CNTNAP2: variants seen among roughly 807,000 people sequenced by gnomAD.
The protein encoded by CNTNAP2 is contactin associated protein 2, also known as contactin-associated protein-like 2.
CNTNAP2 carries 98 observed loss-of-function variants against 155.2 expected under a neutral mutation model. The observed-to-expected ratio is 0.63, with a 90% CI of 0.54 to 0.75. The LOEUF (loss-of-function observed/expected upper bound fraction) is 0.75. CNTNAP2 is among the 30% of genes least tolerant of loss of function. The pLI, the probability that CNTNAP2 is intolerant of heterozygous loss-of-function variation, is 0.00. For synonymous variants in CNTNAP2, 651 were observed against 631.2 expected (o/e 1.03, Z -0.47); for missense variants, 1,727 against 1,688.1 (o/e 1.02, Z -0.40).
intron 1 of CNTNAP2, among the ~76,000 whole-genome samples, chr7:146,722,021 G>A (rs994141646): frequency 6.7e-6 from 1 of 149,346 alleles, no homozygotes; most frequent in Non-Finnish European, 1.5e-5. Flanking sequence ...CTGAGAAGCT[G>A]GGATTACAGG....
intron 11 of CNTNAP2, among the ~76,000 whole-genome samples, chr7:147,542,300 G>GT (rs766971039): frequency 1.4e-4 from 14 of 103,140 alleles, no homozygotes; most frequent in South Asian, 3.2e-4. Context: ...TTGTTCAGTG[G>GT]TAAAAAAAAA....
intron 1 of CNTNAP2, among the ~76,000 whole-genome samples, chr7:146,692,566 T>C (rs1048869187): frequency 4.6e-5 from 7 of 152,152 alleles, no homozygotes; most frequent in African/African-American, 1.7e-4. Flanking sequence ...ACCATTTTGA[T>C]TGTGGTTAAC....
intron 14 of CNTNAP2, among the ~76,000 whole-genome samples, chr7:147,969,623 T>C (rs1801295124): frequency 6.6e-6 from 1 of 152,110 alleles, no homozygotes; most frequent in African/African-American, 2.4e-5. Context: ...CAGGTTTTAG[T>C]AGAGACTTGG....
At chr7:147,684,498 C>G (rs1795991523) in intron 13 of CNTNAP2, among the ~76,000 whole-genome samples, 1 of 151,870 alleles carries the variant, frequency 6.6e-6, no homozygotes, top group African/African-American at 2.4e-5. Flanking sequence ...AATGGGAATT[C>G]TTTGTACTGG....
At chr7:147,095,312 A>G (rs1050179440) in intron 4 of CNTNAP2, among the ~76,000 whole-genome samples, 5 of 150,874 alleles carry the variant, frequency 3.3e-5, no homozygotes, top group African/African-American at 1.2e-4. Flanking sequence ...CTGGGATTTC[A>G]GGCGTGAGCC....
At chr7:147,730,224 A>G (rs1796714754) in intron 13 of CNTNAP2, among the ~76,000 whole-genome samples, 2 of 152,130 alleles carry the variant, frequency 1.3e-5, no homozygotes, top group African/African-American at 4.8e-5. Context: ...GTCCTTTCAG[A>G]AGGGCAGATA....
intron 1 of CNTNAP2, among the ~76,000 whole-genome samples, chr7:146,233,063 C>T (rs1563000087): frequency 1.3e-5 from 2 of 151,880 alleles, no homozygotes; most frequent in South Asian, 4.2e-4. Context: ...GTATACAATC[C>T]CAATTGATCC....
At chr7:146,222,768 G>A (rs1335802688) in intron 1 of CNTNAP2, among the ~76,000 whole-genome samples, 1 of 150,180 alleles carries the variant, frequency 6.7e-6, no homozygotes, top group African/African-American at 2.5e-5. Flanking sequence ...CCATTCTTCT[G>A]CCTCAGCCTC....
Position 147,812,068 on chromosome 7 carries a change from G to A in CNTNAP2, c.2099-91497G>A, listed in dbSNP as rs546338256. On this transcript the variant is annotated intron_variant, in intron 13 of 23. Coordinates refer to ENST00000361727, the MANE Select transcript of CNTNAP2 (RefSeq NM_014141.6). ...AGGATGGCTTATAATTTTAAATAGA[G>A]TTGTGGGAATTGGCCTCAGGAAGGA... is the stretch of plus-strand genomic sequence containing the variant. 1.1e-4 allele frequency among the ~76,000 whole-genome samples: 17 copies of A among 152,290 alleles called. 1 individual carries two copies. In the South Asian group the frequency reaches 2.1e-3, roughly 19 times the overall value.
chr7:148,094,702 G>A lies in CNTNAP2; in HGVS notation c.2384-23416G>A, dbSNP rs17547662. On this transcript the variant is annotated intron_variant, in intron 15 of 23. Coordinates refer to ENST00000361727, the MANE Select transcript of CNTNAP2 (RefSeq NM_014141.6). Reference sequence around the variant, plus strand: ...GACCCTGAAGTTTCATAATATGGACGGTGATATTACTAAGATGAAGACCAC... The same window carrying A: ...GACCCTGAAGTTTCATAATATGGACAGTGATATTACTAAGATGAAGACCAC... Among the ~76,000 whole-genome samples, 369 of 152,288 alleles carry A rather than the reference G, an allele frequency of 2.4e-3. 3 individuals are homozygous for A. Among genetic ancestry groups the A allele is most frequent in the South Asian group, 7.3e-3 (35 of 4,824 alleles).
intron 15 of CNTNAP2, among the ~76,000 whole-genome samples, chr7:148,017,389 T>A (rs1428656011): frequency 6.6e-6 from 1 of 152,214 alleles, no homozygotes; most frequent in East Asian, 1.9e-4. Flanking sequence ...ATTATTTGTG[T>A]TTACATGAGA....
intron 8 of CNTNAP2, among the ~76,000 whole-genome samples, chr7:147,217,626 G>A (rs957466063): frequency 6.6e-6 from 1 of 151,898 alleles, no homozygotes; most frequent in African/African-American, 2.4e-5. Context: ...TACTGTCTCT[G>A]TCTAGGTTTG....
At chr7:147,496,796 TTA>T (rs1313863072) in intron 11 of CNTNAP2, 1 of 137,360 alleles carries the variant, frequency 7.3e-6, no homozygotes, top group Non-Finnish European at 1.6e-5. Flanking sequence ...TTTTTATTTT[TTA>T]TTTTTTTTTA....
intron 1 of CNTNAP2, among the ~76,000 whole-genome samples, chr7:146,385,842 T>C (rs1267516499): frequency 2.6e-5 from 4 of 152,252 alleles, no homozygotes; most frequent in Non-Finnish European, 5.9e-5. Context: ...GAGGTTTCTA[T>C]AGTAAGCTGT....
intron 1 of CNTNAP2, among the ~76,000 whole-genome samples, chr7:146,686,559 T>C (rs764833920): frequency 6.6e-6 from 1 of 152,168 alleles, no homozygotes; most frequent in Non-Finnish European, 1.5e-5. Context: ...CTAGATCTTC[T>C]GTAAGATCGA....
At chr7:147,985,020 C>G (rs1801592241) in intron 15 of CNTNAP2, among the ~76,000 whole-genome samples, 1 of 151,944 alleles carries the variant, frequency 6.6e-6, no homozygotes, top group Admixed American at 6.6e-5. Context: ...GAGACTGAGG[C>G]ATGAGAATCG....
chr7:147,137,877 A>G (rs1017072704), intron 8 of CNTNAP2, among the ~76,000 whole-genome samples: 14 of 82,416 alleles, frequency 1.7e-4, no homozygotes, highest in Admixed American at 1.3e-3. Context: ...AGATACGTAG[A>G]TAGATAGATA....
At chr7:147,901,602 C>T (rs2538965) in intron 13 of CNTNAP2, among the ~76,000 whole-genome samples, 10,824 of 152,174 alleles carry the variant, frequency 0.071, 718 homozygotes, top group African/African-American at 0.18. Context: ...ACATTCTGCT[C>T]CATTTGCCTA....
chr7:147,229,605 G>A (rs1292733875), intron 8 of CNTNAP2, among the ~76,000 whole-genome samples: 3 of 152,112 alleles, frequency 2.0e-5, no homozygotes, highest in Non-Finnish European at 4.4e-5. Flanking sequence ...ATCATGTTGG[G>A]TTGATGGACT....
Sources: allele counts gnomAD v4.1 joint callset (sites outside exome capture counted in the v4.1 genomes callset), GRCh38; gene constraint gnomAD v4.1.1; transcripts MANE v1.5; gene names NCBI Gene and HGNC (gene_info 2026-07-23, HGNC 2026-07-21).